The following PRDM16 variants were observed in gnomAD, a reference collection of about 807,000 sequenced individuals.
PRDM16 encodes PR/SET domain 16.
PRDM16 carries 23 observed loss-of-function variants against 110.6 expected under a neutral mutation model. The observed-to-expected ratio is 0.21, with a 90% CI of 0.15 to 0.29. PRDM16 has a LOEUF of 0.29. Ranked by LOEUF, PRDM16 falls within the 10% of genes least tolerant of loss-of-function variation. PRDM16 has a pLI of 1.00. For missense variants in PRDM16, 1,615 were observed against 1,794.3 expected (o/e 0.90, Z 1.81); for synonymous variants, 799 against 781.8 (o/e 1.02, Z -0.37).
At chr1:3,297,130 G>A (rs1327740756) in intron 3 of PRDM16, among the ~76,000 whole-genome samples, 1 of 152,176 alleles carries the variant, frequency 6.6e-6, no homozygotes. Context: ...CCTAAGGGGA[G>A]CGGTCAGCCC....
rs532603420 is a variant in PRDM16, at chr1:3,075,109, G to A, written c.37+5813G>A. On this transcript the variant is annotated intron_variant, in intron 1 of 16. Transcript: ENST00000270722. Reference sequence around the variant, plus strand: ...GGAGGTGCCTGGGCTGGCCCGCCTGGCCGGCCTAGCCTGAGACGCGGGAAC... The same window carrying A: ...GGAGGTGCCTGGGCTGGCCCGCCTGACCGGCCTAGCCTGAGACGCGGGAAC... Among the ~76,000 whole-genome samples the A allele has an allele frequency of 9.9e-5, 15 of 152,270 alleles. 1 individual carries two copies. Among genetic ancestry groups the A allele is most frequent in the Admixed American group, 7.9e-4 (12 of 15,286 alleles).
At chr1:3,207,823 A>T (rs1638788788) in intron 2 of PRDM16, 1 of 152,278 alleles carries the variant, frequency 6.6e-6, no homozygotes, top group Non-Finnish European at 1.5e-5. Context: ...GAAATAGAGT[A>T]GCTGTCTCTC....
At chr1:3,282,499 G>A (rs1006455005) in intron 3 of PRDM16, among the ~76,000 whole-genome samples, 6 of 152,182 alleles carry the variant, frequency 3.9e-5, no homozygotes, top group Admixed American at 6.5e-5. Context: ...CTGTCCCAGC[G>A]GGCACTTAGC....
At chr1:3,090,141 C>G (rs1353641146) in intron 1 of PRDM16, among the ~76,000 whole-genome samples, 1 of 152,218 alleles carries the variant, frequency 6.6e-6, no homozygotes, top group East Asian at 1.9e-4. Flanking sequence ...GACATGGGGA[C>G]TGGAGAAGAG....
chr1:3,313,006 C>T (rs1035287447), intron 3 of PRDM16, among the ~76,000 whole-genome samples: 1 of 152,214 alleles, frequency 6.6e-6, no homozygotes, highest in African/African-American at 2.4e-5. Context: ...GGTTTGCCTA[C>T]GAAGGGGCCG....
chr1:3,214,948 C>T (rs538200599), intron 2 of PRDM16, among the ~76,000 whole-genome samples: 1 of 152,292 alleles, frequency 6.6e-6, no homozygotes, highest in African/African-American at 2.4e-5. Context: ...TCCCCCAAAC[C>T]TTCCTTTCAG....
chr1:3,416,631 G>A (rs1638272199), intron 10 of PRDM16, among the ~76,000 whole-genome samples: 1 of 152,198 alleles, frequency 6.6e-6, no homozygotes, highest in Non-Finnish European at 1.5e-5. Context: ...ATCAGCTCCT[G>A]CCTCACCCTT....
chr1:3,114,517 TGAACACAC>T (rs1204589498), intron 1 of PRDM16, among the ~76,000 whole-genome samples: 1 of 145,852 alleles, frequency 6.9e-6, no homozygotes, highest in African/African-American at 2.6e-5. Context: ...CACACACACA[TGAACACAC>T]GCACACATGC....
At chr1:3,194,456 G>T (rs1377677607) in intron 2 of PRDM16, among the ~76,000 whole-genome samples, 1 of 152,180 alleles carries the variant, frequency 6.6e-6, no homozygotes, top group Non-Finnish European at 1.5e-5. Flanking sequence ...CAACAGAGGG[G>T]AAGGGGTAGA....
At chr1:3,130,264 G>A (rs139430309) in intron 1 of PRDM16, among the ~76,000 whole-genome samples, 38 of 152,350 alleles carry the variant, frequency 2.5e-4, no homozygotes, top group African/African-American at 8.2e-4. Context: ...CCGGGCAGGC[G>A]ATGTGGACCG....
intron 1 of PRDM16, among the ~76,000 whole-genome samples, chr1:3,153,010 C>G (rs1358357912): frequency 6.6e-6 from 1 of 152,238 alleles, no homozygotes; most frequent in Non-Finnish European, 1.5e-5. Flanking sequence ...CAGGAATCAC[C>G]AGACCAGAGG....
chr1:3,384,436 G>A (rs1225446338), intron 3 of PRDM16, among the ~76,000 whole-genome samples: 1 of 152,216 alleles, frequency 6.6e-6, no homozygotes. Flanking sequence ...CTCCACAGTG[G>A]ACAGCAGGTC....
At chr1:3,089,619 C>T (rs1449797105) in intron 1 of PRDM16, among the ~76,000 whole-genome samples, 2 of 152,266 alleles carry the variant, frequency 1.3e-5, no homozygotes, top group Admixed American at 6.5e-5. Context: ...ATGCCCCTGC[C>T]GGTGAGGGGC....
chr1:3,432,445 C>T (rs780189951), intron 16 of PRDM16, among the ~76,000 whole-genome samples: 1 of 152,206 alleles, frequency 6.6e-6, no homozygotes. Context: ...GTTTCTGGCC[C>T]GCCCAGCCGC....
intron 1 of PRDM16, among the ~76,000 whole-genome samples, chr1:3,098,130 G>C (rs1642449363): frequency 6.6e-6 from 1 of 152,166 alleles, no homozygotes; most frequent in African/African-American, 2.4e-5. Context: ...TGGGGGCTGA[G>C]CCTTCACTGA....
intron 1 of PRDM16, among the ~76,000 whole-genome samples, chr1:3,182,924 C>T (rs1461913922): frequency 6.6e-6 from 1 of 152,192 alleles, no homozygotes; most frequent in African/African-American, 2.4e-5. Flanking sequence ...CCCTCCCGAG[C>T]TCCCTGCCTC....
chr1:3,216,865 G>A (rs1232169875), intron 2 of PRDM16, among the ~76,000 whole-genome samples: 1 of 152,224 alleles, frequency 6.6e-6, no homozygotes, highest in Non-Finnish European at 1.5e-5. Flanking sequence ...GAGTTCAGGT[G>A]CCCACTGTCC....
chr1:3,429,458 T>C (rs1638706146), intron 14 of PRDM16, among the ~76,000 whole-genome samples: 2 of 152,266 alleles, frequency 1.3e-5, no homozygotes, highest in Admixed American at 1.3e-4. Context: ...CCAGATGAGA[T>C]CTCACAGCAC....
At chr1:3,433,253 C>T (rs1251258006) in intron 16 of PRDM16, among the ~76,000 whole-genome samples, 19 of 152,262 alleles carry the variant, frequency 1.2e-4, no homozygotes, top group Admixed American at 7.8e-4. Context: ...GGGCGGCCCT[C>T]GTCCCTCCCG....
Sources: allele counts gnomAD v4.1 joint callset (sites outside exome capture counted in the v4.1 genomes callset), GRCh38; gene constraint gnomAD v4.1.1; transcripts MANE v1.5; gene names NCBI Gene and HGNC (gene_info 2026-07-23, HGNC 2026-07-21).